The following SEMA5A variants were observed in gnomAD, a reference collection of about 807,000 sequenced individuals.
The protein encoded by SEMA5A is semaphorin-5A.
Under a neutral mutation model 135.5 loss-of-function variants are expected in SEMA5A, and 55 were observed. The ratio of observed to expected loss-of-function variants is 0.41; its 90% CI spans 0.33 to 0.51. The LOEUF is 0.51. Among genes scored for constraint, SEMA5A ranks in the 20% least tolerant of loss-of-function variants. The pLI is 0.37. For synonymous variants in SEMA5A, 580 were observed against 546.5 expected (o/e 1.06, Z -0.85); for missense variants, 1,290 against 1,419.9 (o/e 0.91, Z 1.47).
chr5:9,460,063 T>C (rs1036073495), intron 1 of SEMA5A, among the ~76,000 whole-genome samples: 44 of 152,210 alleles, frequency 2.9e-4, no homozygotes, highest in African/African-American at 8.7e-4. Context: ...AGCTTTTAAA[T>C]TGACCTACAA....
intron 4 of SEMA5A, among the ~76,000 whole-genome samples, chr5:9,324,747 A>G (rs1367256442): frequency 6.6e-6 from 1 of 152,214 alleles, no homozygotes; most frequent in Admixed American, 6.5e-5. Context: ...GCTGTCCTCC[A>G]AGGTATTACA....
At chr5:9,167,342 A>C (rs1241680269) in intron 11 of SEMA5A, among the ~76,000 whole-genome samples, 3 of 152,182 alleles carry the variant, frequency 2.0e-5, no homozygotes, top group Non-Finnish European at 4.4e-5. Context: ...TCTCAGGCGT[A>C]CCGCATGCAA....
At chr5:9,466,227 G>C (rs1044628516) in intron 1 of SEMA5A, among the ~76,000 whole-genome samples, 1 of 151,438 alleles carries the variant, frequency 6.6e-6, no homozygotes, top group African/African-American at 2.4e-5. Context: ...TGTGGGGTGA[G>C]GGGAAGGGGG....
chr5:9,439,112 C>T (rs557705547), intron 1 of SEMA5A, among the ~76,000 whole-genome samples: 3 of 152,278 alleles, frequency 2.0e-5, no homozygotes, highest in Admixed American at 1.3e-4. Context: ...TCGTGCAGCA[C>T]GGCCAATCCT....
intron 11 of SEMA5A, among the ~76,000 whole-genome samples, chr5:9,187,992 G>T (rs1744899196): frequency 6.6e-6 from 1 of 152,184 alleles, no homozygotes; most frequent in African/African-American, 2.4e-5. Context: ...AATGGTAAAA[G>T]AAGTTGCTTG....
intron 2 of SEMA5A, among the ~76,000 whole-genome samples, chr5:9,401,853 TC>T (rs1474948029): frequency 2.0e-5 from 3 of 152,092 alleles, no homozygotes; most frequent in Non-Finnish European, 4.4e-5. Flanking sequence ...CACCATTCCC[TC>T]CATATCAATA....
intron 3 of SEMA5A, among the ~76,000 whole-genome samples, chr5:9,356,565 G>T (rs1286597033): frequency 6.6e-6 from 1 of 152,212 alleles, no homozygotes; most frequent in African/African-American, 2.4e-5. Flanking sequence ...AGGGACTTGT[G>T]TTTAATCAGA....
chr5:9,444,767 C>T (rs1266637939), intron 1 of SEMA5A, among the ~76,000 whole-genome samples: 2 of 152,228 alleles, frequency 1.3e-5, no homozygotes, highest in Middle Eastern at 3.4e-3. Flanking sequence ...ATGCTGAGAG[C>T]GGAGTTAGAA....
intron 12 of SEMA5A, among the ~76,000 whole-genome samples, chr5:9,153,608 G>T (rs922144179): frequency 1.9e-4 from 23 of 122,282 alleles, no homozygotes; most frequent in African/African-American, 5.7e-4. Flanking sequence ...ACAGTGGCGG[G>T]GGAGGGGGGG....
intron 11 of SEMA5A, among the ~76,000 whole-genome samples, chr5:9,158,438 T>G (rs1215234107): frequency 6.6e-6 from 1 of 151,688 alleles, no homozygotes; most frequent in Non-Finnish European, 1.5e-5. Flanking sequence ...GTTATTTGCA[T>G]GAAAAAAAGT....
chr5:9,127,490 T>C (rs1307393819), intron 13 of SEMA5A, among the ~76,000 whole-genome samples: 2 of 152,164 alleles, frequency 1.3e-5, no homozygotes, highest in East Asian at 1.9e-4. Flanking sequence ...GGCATGGAGA[T>C]CTACCTGTCC....
At chr5:9,195,347 A>T (rs1745331415) in intron 10 of SEMA5A, among the ~76,000 whole-genome samples, 1 of 151,852 alleles carries the variant, frequency 6.6e-6, no homozygotes, top group Non-Finnish European at 1.5e-5. Flanking sequence ...TTTTATTATT[A>T]TTTTTGTAGA....
At chr5:9,087,212 C>A (rs1738747858) in intron 16 of SEMA5A, among the ~76,000 whole-genome samples, 2 of 152,210 alleles carry the variant, frequency 1.3e-5, no homozygotes, top group African/African-American at 4.8e-5. Flanking sequence ...CCATTACCGA[C>A]ATGGCTGTTT....
At chr5:9,301,452 A>C (rs1459627278) in intron 5 of SEMA5A, among the ~76,000 whole-genome samples, 1 of 152,214 alleles carries the variant, frequency 6.6e-6, no homozygotes, top group Non-Finnish European at 1.5e-5. Flanking sequence ...GTTACGCCAA[A>C]AACAAAAGCA....
intron 13 of SEMA5A, among the ~76,000 whole-genome samples, chr5:9,123,360 G>A (rs866916714): frequency 6.8e-6 from 1 of 146,226 alleles, no homozygotes; most frequent in Middle Eastern, 3.6e-3. Flanking sequence ...TGAGGAAGAA[G>A]CAGGGAGGGA....
chr5:9,533,705 G>A (rs1737584688), intron 1 of SEMA5A, among the ~76,000 whole-genome samples: 1 of 152,180 alleles, frequency 6.6e-6, no homozygotes, highest in African/African-American at 2.4e-5. Context: ...AGTTTCCTAT[G>A]TGCCTCTAAT....
Position 9,529,322 on chromosome 5 carries a change from T to G in SEMA5A, c.-175+16262A>C, listed in dbSNP as rs3798075. Among the ~76,000 whole-genome samples the G allele has an allele frequency of 0.018, 2,797 of 152,292 alleles. 224 individuals carry two copies. In the East Asian group the frequency reaches 0.27, roughly 15 times the overall value. The stretch of plus-strand genomic sequence containing the variant: ...CAGCCTCCTCCCCAGCTGCCAGGCT[T>G]CTCGGCACCTTTCCTAGAGGTCAGG... On this transcript the variant is annotated intron_variant, in intron 1 of 22. Coordinates refer to ENST00000382496, the MANE Select transcript of SEMA5A (RefSeq NM_003966.3).
rs142682958 is a variant in SEMA5A at position 9,227,914 on chromosome 5, G to A, written c.334-947C>T. ...TATGCTTAATGAGGACAAGATGTTC[G>A]AAACATTTGGGACAAAACCCTAGGC... On this transcript the variant is annotated intron_variant, in intron 6 of 22. Coordinates refer to ENST00000382496, the MANE Select transcript of SEMA5A (RefSeq NM_003966.3). Among the ~76,000 whole-genome samples the A allele has an allele frequency of 2.2e-3, 338 of 152,290 alleles. 2 individuals carry two copies. Among genetic ancestry groups the A allele is most frequent in the African/African-American group, 7.8e-3 (325 of 41,560 alleles).
chr5:9,439,490 T>A (rs1216263500), intron 1 of SEMA5A, among the ~76,000 whole-genome samples: 1 of 152,190 alleles, frequency 6.6e-6, no homozygotes, highest in Non-Finnish European at 1.5e-5. Context: ...TAGCTGGCAA[T>A]TTCTGTAAGT....
Sources: allele counts gnomAD v4.1 joint callset (sites outside exome capture counted in the v4.1 genomes callset), GRCh38; gene constraint gnomAD v4.1.1; transcripts MANE v1.5; gene names NCBI Gene and HGNC (gene_info 2026-07-23, HGNC 2026-07-21).